The following MACROD2 variants were observed in gnomAD, a reference collection of about 807,000 sequenced individuals.
MACROD2 encodes the protein mono-ADP ribosylhydrolase 2.
Under a neutral mutation model 70.4 loss-of-function variants are expected in MACROD2, and 36 were observed. The ratio of observed to expected loss-of-function variants is 0.51; its 90% CI spans 0.39 to 0.68. The LOEUF is 0.68. MACROD2 is among the 30% of genes least tolerant of loss of function. The pLI is 0.00. For synonymous variants in MACROD2, 172 were observed against 178.8 expected, an observed-to-expected ratio of 0.96 and a Z score of 0.30; for missense variants, 496 against 538.4, an observed-to-expected ratio of 0.92 and a Z score of 0.78.
intron 5 of MACROD2, among the ~76,000 whole-genome samples, chr20:14,836,957 G>A (rs574751936): frequency 3.2e-4 from 48 of 152,068 alleles, no homozygotes; most frequent in African/African-American, 1.2e-3. Context: ...AAGCACCTGT[G>A]CTTATAGAGT....
At chr20:14,612,718 C>G (rs1983243774) in intron 4 of MACROD2, among the ~76,000 whole-genome samples, 1 of 151,956 alleles carries the variant, frequency 6.6e-6, no homozygotes, top group Non-Finnish European at 1.5e-5. Context: ...AAACAATAGT[C>G]TTAGGATCTA....
At chr20:14,921,143 A>G (rs768961584) in intron 5 of MACROD2, among the ~76,000 whole-genome samples, 5 of 152,160 alleles carry the variant, frequency 3.3e-5, no homozygotes, top group Non-Finnish European at 7.4e-5. Flanking sequence ...TTACCAGTCT[A>G]TTGGATCTGT....
At chr20:14,756,543 T>G (rs985779939) in intron 5 of MACROD2, among the ~76,000 whole-genome samples, 3 of 152,042 alleles carry the variant, frequency 2.0e-5, no homozygotes, top group Non-Finnish European at 4.4e-5. Context: ...TCACAAAAAT[T>G]ATAATGTATG....
At chr20:15,870,427 G>A (rs928736147) in intron 9 of MACROD2, among the ~76,000 whole-genome samples, 9 of 152,054 alleles carry the variant, frequency 5.9e-5, no homozygotes, top group African/African-American at 2.2e-4. Context: ...GACTGAAACT[G>A]CTACAGTTGG....
intron 5 of MACROD2, chr20:14,904,898 T>C (rs528421426): frequency 2.0e-5 from 3 of 152,142 alleles, no homozygotes; most frequent in Admixed American, 6.5e-5. Context: ...CACAAACCGA[T>C]GGTGCAGATA....
intron 3 of MACROD2, among the ~76,000 whole-genome samples, chr20:14,272,821 CA>C (rs1200652033): frequency 6.6e-6 from 1 of 151,880 alleles, no homozygotes; most frequent in Non-Finnish European, 1.5e-5. Context: ...AAATGTAAAA[CA>C]AAAAAGGCAG....
chr20:15,318,046 C>T (rs914466750), intron 6 of MACROD2, among the ~76,000 whole-genome samples: 1 of 151,926 alleles, frequency 6.6e-6, no homozygotes, highest in African/African-American at 2.4e-5. Flanking sequence ...AAGAAAAAAA[C>T]AGAAGTTGCA....
intron 3 of MACROD2, among the ~76,000 whole-genome samples, chr20:14,114,586 T>C (rs2054492705): frequency 6.6e-6 from 1 of 152,046 alleles, no homozygotes; most frequent in African/African-American, 2.4e-5. Context: ...ACATGAACTG[T>C]TACATTTTAT....
At chr20:14,635,104 CA>C (rs1433743696) in intron 4 of MACROD2, among the ~76,000 whole-genome samples, 2 of 152,120 alleles carry the variant, frequency 1.3e-5, no homozygotes, top group African/African-American at 2.4e-5. Context: ...CTATAGTTGT[CA>C]GAAAGAAACT....
At chr20:15,080,679 C>T (rs1169359040) in intron 5 of MACROD2, among the ~76,000 whole-genome samples, 1 of 152,202 alleles carries the variant, frequency 6.6e-6, no homozygotes, top group South Asian at 2.1e-4. Context: ...GTTCCAGACT[C>T]ATTCATGCAC....
intron 4 of MACROD2, among the ~76,000 whole-genome samples, chr20:14,549,880 T>C (rs1251049551): frequency 6.6e-6 from 1 of 152,146 alleles, no homozygotes; most frequent in Non-Finnish European, 1.5e-5. Flanking sequence ...ATAACCATTT[T>C]CATATCAATC....
chr20:15,228,671 G>A (rs748882363), intron 5 of MACROD2, among the ~76,000 whole-genome samples: 2 of 151,662 alleles, frequency 1.3e-5, no homozygotes, highest in Admixed American at 6.6e-5. Flanking sequence ...TGTATTTTTA[G>A]TAGAGATGGG....
intron 5 of MACROD2, among the ~76,000 whole-genome samples, chr20:15,095,571 G>A (rs911659108): frequency 6.6e-6 from 1 of 151,896 alleles, no homozygotes; most frequent in Non-Finnish European, 1.5e-5. Context: ...AGGCTGGAGT[G>A]CAGTGGCACA....
chr20:15,703,993 CTTAA>C (rs2050497001), intron 8 of MACROD2, among the ~76,000 whole-genome samples: 1 of 152,148 alleles, frequency 6.6e-6, no homozygotes, highest in Non-Finnish European at 1.5e-5. Flanking sequence ...ACAGATCAGT[CTTAA>C]TTAAAGTGGT....
chr20:15,613,481 A>T (rs1358961455), intron 8 of MACROD2, among the ~76,000 whole-genome samples: 1 of 152,180 alleles, frequency 6.6e-6, no homozygotes, highest in Non-Finnish European at 1.5e-5. Flanking sequence ...TCTCCCTATG[A>T]ACTCTAAAAT....
At chr20:14,231,535 A>G (rs1037609550) in intron 3 of MACROD2, among the ~76,000 whole-genome samples, 6 of 152,080 alleles carry the variant, frequency 3.9e-5, no homozygotes, top group African/African-American at 9.7e-5. Context: ...AATCCAGTCT[A>G]TCATTGTTGG....
chr20:14,839,597 C>A (rs2073065847), intron 5 of MACROD2, among the ~76,000 whole-genome samples: 1 of 152,010 alleles, frequency 6.6e-6, no homozygotes, highest in South Asian at 2.1e-4. Flanking sequence ...TTGCTCCAGT[C>A]TCTTATAGTT....
chr20:14,996,220 G>A (rs1456682166), intron 5 of MACROD2, among the ~76,000 whole-genome samples: 1 of 152,178 alleles, frequency 6.6e-6, no homozygotes, highest in Admixed American at 6.5e-5. Context: ...GGGCCAGTGT[G>A]CTCTGCACAT....
intron 3 of MACROD2, among the ~76,000 whole-genome samples, chr20:14,134,545 G>C (rs557624473): frequency 6.6e-6 from 1 of 151,998 alleles, no homozygotes; most frequent in South Asian, 2.1e-4. Flanking sequence ...AGTGGCCCAC[G>C]CCTGTAATCC....
Sources: allele counts gnomAD v4.1 joint callset (sites outside exome capture counted in the v4.1 genomes callset), GRCh38; gene constraint gnomAD v4.1.1; transcripts MANE v1.5; gene names NCBI Gene and HGNC (gene_info 2026-07-23, HGNC 2026-07-21).